Variants in DZIP3 observed in about 807,000 individuals in gnomAD.
DZIP3 encodes E3 ubiquitin-protein ligase DZIP3.
Under a neutral mutation model 162.0 loss-of-function variants are expected in DZIP3, and 118 were observed. That is an observed-to-expected ratio of 0.73 (90% CI 0.63 to 0.85). DZIP3 has a LOEUF of 0.85. DZIP3 is among the 40% of genes least tolerant of loss of function. The pLI, the probability that DZIP3 is intolerant of heterozygous loss-of-function variation, is 0.00. For synonymous variants in DZIP3, 438 were observed against 458.6 expected (o/e 0.96, Z 0.57); for missense variants, 1,331 against 1,407.0 (o/e 0.95, Z 0.86).
chr3:108,665,416 G>T (rs530348462), intron 21 of DZIP3, among the ~76,000 whole-genome samples: 1 of 152,136 alleles, frequency 6.6e-6, no homozygotes, highest in African/African-American at 2.4e-5. Flanking sequence ...AACTCAATCT[G>T]AAGAACAAAG....
chr3:108,668,259 C>T (rs930011056), intron 21 of DZIP3, among the ~76,000 whole-genome samples: 1 of 151,978 alleles, frequency 6.6e-6, no homozygotes, highest in African/African-American at 2.4e-5. Flanking sequence ...TGTCAACAGT[C>T]TATAATAAAA....
At chr3:108,625,641 TATAA>T (rs1038584913) in intron 6 of DZIP3, among the ~76,000 whole-genome samples, 200 bp from the exon 7 acceptor site, 1 of 152,200 alleles carries the variant, frequency 6.6e-6, no homozygotes, top group Admixed American at 6.5e-5. Flanking sequence ...TAAGTTTATT[TATAA>T]ATAAATATTT....
At chr3:108,621,961 G>A (rs1941374238) in intron 5 of DZIP3, among the ~76,000 whole-genome samples, 1 of 151,938 alleles carries the variant, frequency 6.6e-6, no homozygotes, top group African/African-American at 2.4e-5. Context: ...ACTTTGAGAG[G>A]CTGAGATGGG....
In DZIP3 at chr3:108,637,528, C is replaced by T. The variant is rs143396703; in HGVS notation, c.1044C>T (p.Thr348=). The change falls in exon 12 of 33, where the codon ACC becomes ACT. Residue 348 remains threonine, a synonymous_variant. Transcript: ENST00000361582. ...FEVVRKDEYI[T]IENLGASYRK... ...TTGTGAGAAAGGATGAATATATCAC[C>T]ATTGAAAATTTAGGAGCAAGGTAAG... The T allele has an allele frequency of 1.1e-3, 1,850 of 1,610,280 alleles. 10 individuals are homozygous for T. In the African/African-American group the frequency reaches 0.017, roughly 15 times the overall value.
chr3:108,678,582 T>A (rs1944195576), intron 26 of DZIP3, among the ~76,000 whole-genome samples: 1 of 152,094 alleles, frequency 6.6e-6, no homozygotes, highest in South Asian at 2.1e-4. Context: ...TGCTTGTTGT[T>A]AGGGGCCAGT....
At chr3:108,685,927 A>G (rs1202217564) in intron 27 of DZIP3, among the ~76,000 whole-genome samples, 1 of 152,198 alleles carries the variant, frequency 6.6e-6, no homozygotes, top group African/African-American at 2.4e-5. Context: ...CGTATCATAA[A>G]TACTGTGCCA....
intron 1 of DZIP3, among the ~76,000 whole-genome samples, chr3:108,591,186 G>A (rs576254403): frequency 6.6e-6 from 1 of 152,302 alleles, no homozygotes; most frequent in East Asian, 1.9e-4. Flanking sequence ...ACCCTAAAGT[G>A]GGATACTGTA....
chr3:108,636,789 G>A, intron 11 of DZIP3, 81 bp downstream of exon 11: 1 of 973,278 alleles, frequency 1.0e-6, no homozygotes, highest in Non-Finnish European at 1.6e-6. Flanking sequence ...ACAGACCTGG[G>A]GATCATCATA....
rs1327760546 is a variant in DZIP3 at position 108,693,553 on chromosome 3, AC to A, written c.*202del. On this transcript the variant is annotated 3_prime_UTR_variant, in exon 33 of 33. Transcript: ENST00000361582. ...ATAGAAATGCTATAAGTGAAGACCT[AC>A]CTTTCCCTTAAGAGCTAGTTGTTAA... The A allele has an allele frequency of 2.0e-5, 3 of 152,266 alleles. No homozygotes were observed. Among genetic ancestry groups the A allele is most frequent in the Non-Finnish European group, 4.4e-5 (3 of 68,024 alleles). The allele number at this position is 152,266 out of a possible 1,614,324, so 9.4% of individuals were successfully genotyped here. A position where few individuals can be genotyped will look rare whatever the true frequency, so the allele number is the denominator to read the frequency against.
At chr3:108,692,928 ATTAT>A (rs1422758194) in intron 32 of DZIP3, among the ~76,000 whole-genome samples, 5 of 149,448 alleles carry the variant, frequency 3.3e-5, no homozygotes, top group Admixed American at 1.3e-4. Context: ...TACCTAATAT[ATTAT>A]TTAATATGAT....
intron 4 of DZIP3, among the ~76,000 whole-genome samples, chr3:108,616,330 A>G (rs978325752): frequency 6.6e-6 from 1 of 151,698 alleles, no homozygotes; most frequent in Non-Finnish European, 1.5e-5. Context: ...AATTGTTTTA[A>G]GGAAATAGTT....
intron 6 of DZIP3, 39 bp downstream of exon 6, chr3:108,624,563 C>A: frequency 8.5e-7 from 1 of 1,174,296 alleles, no homozygotes; most frequent in Non-Finnish European, 1.2e-6. Context: ...AATCTTTTTA[C>A]ATCTTGGAAT....
intron 21 of DZIP3, among the ~76,000 whole-genome samples, chr3:108,665,257 C>T (rs1372943257): frequency 2.0e-5 from 3 of 152,006 alleles, no homozygotes; most frequent in Non-Finnish European, 4.4e-5. Flanking sequence ...CCTAGAATAT[C>T]TCAGTAAGGA....
At chr3:108,663,521 A>G (rs1943537556) in intron 21 of DZIP3, among the ~76,000 whole-genome samples, 2 of 149,720 alleles carry the variant, frequency 1.3e-5, no homozygotes, top group Non-Finnish European at 3.0e-5. Context: ...GTGCCGTTGC[A>G]CTCCAGTCTG....
chr3:108,636,073 C>G (rs563405585), intron 10 of DZIP3, among the ~76,000 whole-genome samples: 3 of 151,950 alleles, frequency 2.0e-5, no homozygotes, highest in African/African-American at 7.2e-5. Flanking sequence ...GAGGAACTCA[C>G]ATTGTAAACT....
At position 108,642,463 on chromosome 3, in the gene DZIP3, A is replaced by ATAACT. The variant is rs1346686146; in HGVS notation, c.1091_1095dup (p.Asp366Ter). ...TTATAGAAAGTTGATATCTCTGAAA[A>ATAACT]TAACTGATACTGATATAAGACCGAA... On this transcript the variant is annotated frameshift_variant, in exon 13 of 33. Transcript: ENST00000361582. LOFTEE classifies it high-confidence loss of function. 6.7e-7 allele frequency: 1 copy of ATAACT among 1,487,724 alleles called. No homozygotes were observed. The highest frequency in any genetic ancestry group is 2.5e-5 in the East Asian group (1 of 40,070). The allele number at this position is 1,487,724 out of a possible 1,614,324, so 92.2% of individuals were successfully genotyped here. A position where few individuals can be genotyped will look rare whatever the true frequency, so the allele number is the denominator to read the frequency against.
At chr3:108,627,016 G>GC (rs1553704667) in intron 7 of DZIP3, among the ~76,000 whole-genome samples, 1 of 152,140 alleles carries the variant, frequency 6.6e-6, no homozygotes, top group Non-Finnish European at 1.5e-5. Flanking sequence ...TGGCTTGCCT[G>GC]TTTTTTTACT....
intron 1 of DZIP3, among the ~76,000 whole-genome samples, chr3:108,596,823 G>C (rs1401500038): frequency 6.6e-6 from 1 of 152,146 alleles, no homozygotes; most frequent in Non-Finnish European, 1.5e-5. Flanking sequence ...TTCTAGTGGG[G>C]ACATGAAGCC....
At chr3:108,611,132 A>C in intron 3 of DZIP3, 42 bp from the exon 4 acceptor site, 1 of 1,519,456 alleles carries the variant, frequency 6.6e-7, no homozygotes, top group Admixed American at 2.4e-5. Context: ...GTGAATGAGA[A>C]TATGCAAACT....
Sources: gnomAD v4.1 joint callset for allele counts (sites outside exome capture counted in the v4.1 genomes callset) on GRCh38, gnomAD v4.1.1 for gene constraint, MANE v1.5 for transcripts, NCBI Gene and HGNC (gene_info 2026-07-23, HGNC 2026-07-21) for gene names.